ATP13A5: variants seen among roughly 807,000 people sequenced by gnomAD.
ATP13A5 encodes probable cation-transporting ATPase 13A5.
A neutral mutation model predicts 150.2 loss-of-function variants in ATP13A5; 149 were observed. That is an observed-to-expected ratio of 0.99 (90% CI 0.87 to 1.14). ATP13A5 has a LOEUF of 1.14. Ranked by LOEUF, ATP13A5 falls within the 50% of genes most tolerant of loss-of-function variation. The pLI, the probability that ATP13A5 is intolerant of heterozygous loss-of-function variation, is 0.00. For synonymous variants in ATP13A5, 497 were observed against 522.2 expected (o/e 0.95, Z 0.66); for missense variants, 1,383 against 1,449.3 (o/e 0.95, Z 0.74).
At chr3:193,359,874 C>T (rs1260379312) in intron 5 of ATP13A5, among the ~76,000 whole-genome samples, 1 of 151,892 alleles carries the variant, frequency 6.6e-6, no homozygotes, top group Non-Finnish European at 1.5e-5. Context: ...ATTTCTGCTG[C>T]CAGGAAGTCA....
At chr3:193,329,683 C>T (rs1419101553) in intron 12 of ATP13A5, among the ~76,000 whole-genome samples, 2 of 152,096 alleles carry the variant, frequency 1.3e-5, no homozygotes, top group Non-Finnish European at 2.9e-5. Flanking sequence ...AAACAAAATA[C>T]AAACAGAAAG....
intron 22 of ATP13A5, 136 bp from the exon 23 acceptor site, chr3:193,305,804 TC>T: frequency 1.4e-6 from 1 of 698,212 alleles, no homozygotes. Flanking sequence ...TTTAATGCTG[TC>T]CCTCCACCTG....
At chr3:193,291,108 T>C (rs188225759) in intron 25 of ATP13A5, among the ~76,000 whole-genome samples, 139 of 152,276 alleles carry the variant, frequency 9.1e-4, no homozygotes, top group Non-Finnish European at 3.8e-4. Flanking sequence ...TTGTTCAATA[T>C]GTGTTCTGGG....
intron 23 of ATP13A5, 44 bp downstream of exon 23, chr3:193,305,515 T>C: frequency 7.0e-7 from 1 of 1,428,920 alleles, no homozygotes; most frequent in Non-Finnish European, 9.9e-7. Context: ...AGCCAGACAA[T>C]GGGCCCATTG....
chr3:193,349,944 G>A (rs915126248), intron 7 of ATP13A5, among the ~76,000 whole-genome samples: 3 of 152,048 alleles, frequency 2.0e-5, no homozygotes, highest in African/African-American at 4.8e-5. Context: ...CGCCCATACT[G>A]TAGTAGTAAC....
chr3:193,318,959 C>A, intron 17 of ATP13A5, 32 bp downstream of exon 17: 1 of 1,483,066 alleles, frequency 6.7e-7, no homozygotes, highest in Non-Finnish European at 9.4e-7. Context: ...GGGCACAGAG[C>A]CTGCTCTAGT....
chr3:193,326,413 T>A (rs924028818), intron 13 of ATP13A5, among the ~76,000 whole-genome samples: 5 of 152,206 alleles, frequency 3.3e-5, no homozygotes, highest in Non-Finnish European at 7.3e-5. Flanking sequence ...TAGCCGCACG[T>A]CCCTCAAAAC....
intron 5 of ATP13A5, among the ~76,000 whole-genome samples, chr3:193,354,469 G>T (rs7633194): frequency 0.54 from 82,244 of 151,730 alleles, 22,504 homozygotes; most frequent in African/African-American, 0.61. Context: ...TTCATTTTGA[G>T]TTACTTTTAA....
Position 193,334,921 on chromosome 3 carries a change from C to G in ATP13A5, c.1114+8G>C. On this transcript the variant is annotated splice_region_variant and intron_variant, in intron 10 of 29. Coordinates refer to ENST00000342358, the MANE Select transcript of ATP13A5 (RefSeq NM_198505.4). ...TGAATTAAACTTACAAAAGTGGAAT[C>G]CACTAACCTGTTTGCAAAACGACTG... is the stretch of plus-strand genomic sequence containing the variant. 6 of 1,610,988 alleles carry G rather than the reference C, an allele frequency of 3.7e-6. No homozygotes were observed. In the South Asian group the frequency reaches 6.6e-5, roughly 18 times the overall value.
intron 22 of ATP13A5, among the ~76,000 whole-genome samples, chr3:193,306,467 C>T (rs1276751191): frequency 6.6e-6 from 1 of 151,870 alleles, no homozygotes; most frequent in African/African-American, 2.4e-5. Flanking sequence ...TCTCATGAAA[C>T]ATAAAGCAAA....
chr3:193,276,664 G>A (rs1042355611), intron 29 of ATP13A5, 86 bp downstream of exon 29: 1 of 919,846 alleles, frequency 1.1e-6, no homozygotes, highest in African/African-American at 1.6e-5. Flanking sequence ...GGGGATCAAA[G>A]TGGTTGCTCT....
At chr3:193,311,209 C>T (rs1577342038) in intron 20 of ATP13A5, among the ~76,000 whole-genome samples, 2 of 152,104 alleles carry the variant, frequency 1.3e-5, no homozygotes, top group African/African-American at 2.4e-5. Flanking sequence ...TTCTAGAAGC[C>T]TTTGGGGTCT....
At chr3:193,362,798 T>C (rs1221732997) in intron 3 of ATP13A5, among the ~76,000 whole-genome samples, 161 bp from the exon 4 acceptor site, 1 of 120,934 alleles carries the variant, frequency 8.3e-6, no homozygotes, top group African/African-American at 2.8e-5. Flanking sequence ...TCTTTCTTTC[T>C]TTCTTTCTTT....
intron 26 of ATP13A5, among the ~76,000 whole-genome samples, chr3:193,285,412 A>C (rs1717679806): frequency 6.6e-6 from 1 of 152,138 alleles, no homozygotes; most frequent in African/African-American, 2.4e-5. Context: ...ATGTCAATTA[A>C]ACTGTGTGTG....
chr3:193,353,316 A>G (rs5022814), intron 6 of ATP13A5, among the ~76,000 whole-genome samples: 63,823 of 109,830 alleles, frequency 0.58, 14,272 homozygotes, highest in Middle Eastern at 0.65. Context: ...TAAGGTAAGC[A>G]TTAAAAAAAA....
At chr3:193,366,519 T>C (rs544362325) in intron 1 of ATP13A5, among the ~76,000 whole-genome samples, 2 of 152,066 alleles carry the variant, frequency 1.3e-5, no homozygotes, top group African/African-American at 2.4e-5. Flanking sequence ...AGGAAGGATA[T>C]TTCATAAGCT....
At position 193,315,939 on chromosome 3, in the gene ATP13A5, T is replaced by C. The variant is rs55786343; in HGVS notation, c.2034-843A>G. Among the ~76,000 whole-genome samples the C allele has an allele frequency of 8.0e-3, 1,210 of 152,162 alleles. 9 individuals are homozygous for C. The highest frequency in any genetic ancestry group is 0.028 in the African/African-American group (1,165 of 41,520). ...TGCATAACTGAAACTTTATATCCATTAACAACAACTTCCTATTTCCCCCTC... is the reference window on the plus strand; with the variant it reads ...TGCATAACTGAAACTTTATATCCATCAACAACAACTTCCTATTTCCCCCTC... On this transcript the variant is annotated intron_variant, in intron 17 of 29. Coordinates refer to ENST00000342358, the MANE Select transcript of ATP13A5 (RefSeq NM_198505.4).
chr3:193,301,026 A>C (rs978353807), intron 24 of ATP13A5, among the ~76,000 whole-genome samples, 185 bp downstream of exon 24: 19 of 152,186 alleles, frequency 1.2e-4, no homozygotes, highest in Non-Finnish European at 2.4e-4. Flanking sequence ...ACTCATCTAC[A>C]TGTACTTATT....
At chr3:193,315,192 T>G in intron 17 of ATP13A5, 96 bp from the exon 18 acceptor site, 1 of 1,255,904 alleles carries the variant, frequency 8.0e-7, no homozygotes, top group Non-Finnish European at 1.1e-6. Context: ...GTTTTATTAA[T>G]GCAATACAGG....
Sources: allele counts gnomAD v4.1 joint callset (sites outside exome capture counted in the v4.1 genomes callset), GRCh38; gene constraint gnomAD v4.1.1; transcripts MANE v1.5; gene names NCBI Gene and HGNC (gene_info 2026-07-23, HGNC 2026-07-21).